WAPL: variants seen among roughly 807,000 people sequenced by gnomAD.
WAPL encodes wings apart-like protein homolog.
WAPL carries 5 observed loss-of-function variants against 121.0 expected under a neutral mutation model. The ratio of observed to expected loss-of-function variants is 0.04; its 90% CI spans 0.02 to 0.09. WAPL has a LOEUF of 0.09. WAPL is among the 10% of genes least tolerant of loss of function. WAPL has a pLI of 1.00. For missense variants in WAPL, 999 were observed against 1,410.8 expected, an observed-to-expected ratio of 0.71 and a Z score of 4.68; for synonymous variants, 480 against 481.5, an observed-to-expected ratio of 1.00 and a Z score of 0.04.
At chr10:86,460,042 AG>A (rs1273053436) in intron 11 of WAPL, among the ~76,000 whole-genome samples, 3 of 152,310 alleles carry the variant, frequency 2.0e-5, no homozygotes, top group Non-Finnish European at 4.4e-5. Context: ...GAACCCGGGA[AG>A]CAGAGGTTGC....
At chr10:86,513,556 G>C (rs1842505184) in intron 2 of WAPL, among the ~76,000 whole-genome samples, 3 of 152,060 alleles carry the variant, frequency 2.0e-5, no homozygotes, top group Admixed American at 2.0e-4. Flanking sequence ...GGCTGGTCTC[G>C]AACTCCTGAA....
chr10:86,476,358 C>T (rs1166698216), intron 4 of WAPL, among the ~76,000 whole-genome samples: 1 of 129,242 alleles, frequency 7.7e-6, no homozygotes, highest in South Asian at 2.4e-4. Context: ...GAGCGAGACT[C>T]TGTCTCAAAA....
At chr10:86,476,600 A>G (rs1841660442) in intron 4 of WAPL, among the ~76,000 whole-genome samples, 1 of 151,166 alleles carries the variant, frequency 6.6e-6, no homozygotes, top group Non-Finnish European at 1.5e-5. Flanking sequence ...GAGGCGGGAG[A>G]ATCAGTTGAA....
chr10:86,493,653 C>G (rs1842091000), intron 4 of WAPL, among the ~76,000 whole-genome samples: 1 of 151,988 alleles, frequency 6.6e-6, no homozygotes. Context: ...TCTCAGCCTC[C>G]CAAGTAGCTT....
chr10:86,490,077 G>A, intron 4 of WAPL, among the ~76,000 whole-genome samples: 1 of 152,078 alleles, frequency 6.6e-6, no homozygotes, highest in Admixed American at 6.5e-5. Flanking sequence ...AGCCGGGCAT[G>A]GTGGTGCACG....
intron 1 of WAPL, among the ~76,000 whole-genome samples, chr10:86,520,883 CG>C (rs1564594185): frequency 6.6e-6 from 1 of 151,912 alleles, no homozygotes; most frequent in Non-Finnish European, 1.5e-5. Flanking sequence ...GGAAAGCGGA[CG>C]GGACGAACCT....
chr10:86,436,227 C>G lies in WAPL; in HGVS notation c.*1316G>C, dbSNP rs1237954066. On this transcript the variant is annotated 3_prime_UTR_variant, in exon 19 of 19. Coordinates refer to ENST00000298767, the MANE Select transcript of WAPL (RefSeq NM_015045.5). ...AAAGTCTAAATGGGTAAAAATTAGA[C>G]TTTTAGCTATTTTCCCCAATACACA... 6.6e-6 allele frequency: 1 copy of G among 152,582 alleles called. No individual in the cohort carries two copies. Among genetic ancestry groups the G allele is most frequent in the Non-Finnish European group, 1.5e-5 (1 of 68,024 alleles). The allele number at this position is 152,582 out of a possible 1,614,324, so 9.5% of individuals were successfully genotyped here.
chr10:86,466,699 A>T (rs1431205238), intron 9 of WAPL, among the ~76,000 whole-genome samples: 1 of 151,512 alleles, frequency 6.6e-6, no homozygotes, highest in Non-Finnish European at 1.5e-5. Flanking sequence ...ATATACATGT[A>T]GTTTCTACCT....
rs182619946 is a variant in WAPL, at chr10:86,465,615, A to C, written c.2370+1664T>G. Among the ~76,000 whole-genome samples, 5 of 152,284 alleles carry C rather than the reference A, an allele frequency of 3.3e-5. No individual in the cohort carries two copies. The East Asian group carries it at 9.6e-4, about 29-fold the overall frequency. On this transcript the variant is annotated intron_variant, in intron 9 of 18. Coordinates refer to ENST00000298767, the MANE Select transcript of WAPL (RefSeq NM_015045.5). ...TGTATATCCTGCCCTTATGTCAAACAACCTTGATGTACACTGCAATAGCCC... is the reference window on the plus strand; with the variant it reads ...TGTATATCCTGCCCTTATGTCAAACCACCTTGATGTACACTGCAATAGCCC...
Position 86,472,679 on chromosome 10 carries a change from A to C in WAPL, c.1826T>G (p.Val609Gly). 1 of 1,613,948 alleles carries C rather than the reference A, an allele frequency of 6.2e-7. No individual in the cohort carries two copies. Among genetic ancestry groups the C allele is most frequent in the Non-Finnish European group, 8.5e-7 (1 of 1,179,904 alleles). The change falls in exon 6 of 19, where the codon GTG (valine) becomes GGG (glycine). Residue 609 changes from valine (V) to glycine (G), a missense_variant. Physicochemically the swap from Val to Gly is moderately radical, Grantham distance 109 (BLOSUM62 -3). Around this residue, in one of 7 missense-constraint regions of WAPL, gnomAD observed 74 missense variants for 115.1 expected, o/e 0.64. Coordinates refer to ENST00000298767, the MANE Select transcript of WAPL (RefSeq NM_015045.5). This position sits in a 1 kb window ranked among gnomAD's most constrained non-coding sequence, Gnocchi z 4.2. ...TTGGTAGGGCTGAGTAGGTATTGTCACAGTTTTTATCACTTTGGATGGTGG... is the reference window on the plus strand; with the variant it reads ...TTGGTAGGGCTGAGTAGGTATTGTCCCAGTTTTTATCACTTTGGATGGTGG... ...PAPPSKVIKTVTIPTQPYQDI... is the reference protein window; with the variant it reads ...PAPPSKVIKTGTIPTQPYQDI...
intron 14 of WAPL, 67 bp from the exon 15 acceptor site, chr10:86,452,198 A>C: frequency 6.8e-7 from 1 of 1,469,274 alleles, no homozygotes; most frequent in Non-Finnish European, 9.2e-7. Flanking sequence ...CACAATATAC[A>C]CAATTTTTAA....
In WAPL at chr10:86,521,712, G is replaced by T. The variant is rs1842685893; in HGVS notation, c.-370C>A. Reference sequence around the variant, plus strand: ...CGGTGAATGGTCAGTGCTGGAGTTTGAACAGGGCCCTGAACCATCTCAACG... The same window carrying T: ...CGGTGAATGGTCAGTGCTGGAGTTTTAACAGGGCCCTGAACCATCTCAACG... On this transcript the variant is annotated 5_prime_UTR_variant, in exon 1 of 19. Coordinates refer to ENST00000298767, the MANE Select transcript of WAPL (RefSeq NM_015045.5). The T allele has an allele frequency of 2.2e-6, 1 of 463,948 alleles. No individual in the cohort carries two copies. Among genetic ancestry groups the T allele is most frequent in the South Asian group, 1.6e-5 (1 of 63,422 alleles). The allele number at this position is 463,948 out of a possible 1,614,324, so 28.7% of individuals were successfully genotyped here. A position where few individuals can be genotyped will look rare whatever the true frequency, so the allele number is the denominator to read the frequency against.
chr10:86,472,640 G>A lies in WAPL; in HGVS notation c.1865C>T (p.Ala622Val), dbSNP rs1841558547. Residue 622 changes from alanine to valine, a missense_variant, in exon 6 of 19, where the codon GCA becomes GTA. Transcript: ENST00000298767. This position sits in a 1 kb window ranked among gnomAD's most constrained non-coding sequence, Gnocchi z 4.2. ...PTQPYQDIVT[A>V]LKCRREDKEL... The stretch of plus-strand genomic sequence containing the variant: ...TTTGTCTTCTCGTCTGCATTTCAGT[G>A]CAGTAACTATATCTTGGTAGGGCTG... 6.2e-7 allele frequency: 1 copy of A among 1,613,872 alleles called. No homozygotes were observed. Among genetic ancestry groups the A allele is most frequent in the Non-Finnish European group, 8.5e-7 (1 of 1,179,890 alleles).
Position 86,467,272 on chromosome 10 carries a change from A to C in WAPL, c.2370+7T>G, listed in dbSNP as rs767416546. The stretch of plus-strand genomic sequence containing the variant: ...CTCATCTTAGAAGGAAGGAAGAAGG[A>C]ACCCACCGTTATATTTTCTAGATCA... On this transcript the variant is annotated splice_region_variant and intron_variant, in intron 9 of 18. Coordinates refer to ENST00000298767, the MANE Select transcript of WAPL (RefSeq NM_015045.5). 6.2e-7 allele frequency: 1 copy of C among 1,611,292 alleles called. No homozygotes were observed. The highest frequency in any genetic ancestry group is 1.1e-5 in the South Asian group (1 of 90,892).
At chr10:86,470,230 T>C (rs1255598497) in intron 8 of WAPL, among the ~76,000 whole-genome samples, 1 of 152,036 alleles carries the variant, frequency 6.6e-6, no homozygotes, top group Non-Finnish European at 1.5e-5. Context: ...GTCAGGATTT[T>C]ACCATGTTGG....
chr10:86,443,507 C>G, intron 16 of WAPL, 144 bp from the exon 17 acceptor site: 2 of 502,076 alleles, frequency 4.0e-6, no homozygotes, highest in Non-Finnish European at 6.7e-6. Flanking sequence ...CACAGATTAA[C>G]AAAAATTTAA....
intron 10 of WAPL, 73 bp from the exon 11 acceptor site, chr10:86,460,569 T>G (rs1344639349): frequency 1.6e-6 from 2 of 1,255,376 alleles, no homozygotes; most frequent in Non-Finnish European, 2.3e-6. Context: ...TTAGCTAACA[T>G]TAGAAGCCAT....
intron 9 of WAPL, among the ~76,000 whole-genome samples, chr10:86,462,627 G>A (rs1841309432): frequency 6.6e-6 from 1 of 150,782 alleles, no homozygotes; most frequent in African/African-American, 2.4e-5. Context: ...GGCTGAGGCA[G>A]GAGGAATTGC....
chr10:86,464,817 C>T (rs1841362964), intron 9 of WAPL, among the ~76,000 whole-genome samples: 1 of 152,184 alleles, frequency 6.6e-6, no homozygotes, highest in Non-Finnish European at 1.5e-5. Context: ...GCCTGGGTGA[C>T]AGGGGCAAGA....
Sources: gnomAD v4.1 joint callset for allele counts (sites outside exome capture counted in the v4.1 genomes callset) on GRCh38, gnomAD v4.1.1 for gene constraint, gnomAD v4.1.1 regional missense constraint, Gnocchi (gnomAD v3.1) non-coding constraint, MANE v1.5 for transcripts, NCBI Gene and HGNC (gene_info 2026-07-23, HGNC 2026-07-21) for gene names.